ABTB3: variants seen among roughly 807,000 people sequenced by gnomAD.
ABTB3 encodes the protein ankyrin repeat- and BTB/POZ domain-containing protein 3.
chr12:107,616,400 T>C, the ABTB3 span, among the ~76,000 whole-genome samples: 1 of 152,182 alleles, frequency 6.6e-6, no homozygotes, highest in Non-Finnish European at 1.5e-5. Flanking sequence ...CCATCAGCAG[T>C]GCTGACAGCA....
At chr12:107,503,825 T>G in the ABTB3 span, among the ~76,000 whole-genome samples, 2 of 137,654 alleles carry the variant, frequency 1.5e-5, no homozygotes, top group South Asian at 2.3e-4. Flanking sequence ...TACAGTGGGG[T>G]GGCGGTGGAG....
chr12:107,375,048 C>T, the ABTB3 span, among the ~76,000 whole-genome samples: 1 of 152,084 alleles, frequency 6.6e-6, no homozygotes, highest in East Asian at 1.9e-4. Context: ...AAACATTTAG[C>T]AAGCAGATTC....
At chr12:107,509,906 G>A in the ABTB3 span, among the ~76,000 whole-genome samples, 3 of 152,164 alleles carry the variant, frequency 2.0e-5, no homozygotes, top group Non-Finnish European at 4.4e-5. Flanking sequence ...TAAATCTTTA[G>A]TTTCAGAGAC....
At chr12:107,507,065 T>C in the ABTB3 span, among the ~76,000 whole-genome samples, 1 of 152,080 alleles carries the variant, frequency 6.6e-6, no homozygotes, top group Non-Finnish European at 1.5e-5. Context: ...AAGATGGCAG[T>C]GAAGAGAGGG....
At chr12:107,630,872 A>G in the ABTB3 span, among the ~76,000 whole-genome samples, 1 of 152,252 alleles carries the variant, frequency 6.6e-6, no homozygotes, top group Non-Finnish European at 1.5e-5. Context: ...TACATTTGTT[A>G]TAATTAATGA....
At chr12:107,607,604 G>A in the ABTB3 span, among the ~76,000 whole-genome samples, 2 of 152,182 alleles carry the variant, frequency 1.3e-5, no homozygotes, top group Non-Finnish European at 2.9e-5. Context: ...TGACGTTTAG[G>A]TCCTGAGACA....
chr12:107,520,207 G>A, the ABTB3 span: 61 of 985,274 alleles, frequency 6.2e-5, no homozygotes, highest in East Asian at 1.1e-4. Context: ...TTCCAGGCCC[G>A]AGGAGAGGAT....
At chr12:107,433,641 G>A in the ABTB3 span, among the ~76,000 whole-genome samples, 6 of 152,284 alleles carry the variant, frequency 3.9e-5, no homozygotes, top group Admixed American at 3.3e-4. Flanking sequence ...GGTTGGTTTT[G>A]CCCCAGAAGC....
chr12:107,474,069 C>T, the ABTB3 span, among the ~76,000 whole-genome samples: 1 of 152,226 alleles, frequency 6.6e-6, no homozygotes, highest in African/African-American at 2.4e-5. Context: ...CAGGCGTGAG[C>T]CACTGCACCC....
At chr12:107,624,054 G>A in the ABTB3 span, among the ~76,000 whole-genome samples, 60 of 152,252 alleles carry the variant, frequency 3.9e-4, 1 homozygote, top group African/African-American at 1.2e-3. Context: ...GTAGGAACGT[G>A]CTTTGTGTGC....
the ABTB3 span, among the ~76,000 whole-genome samples, chr12:107,454,956 GC>G: frequency 6.6e-6 from 1 of 152,184 alleles, no homozygotes; most frequent in African/African-American, 2.4e-5. Flanking sequence ...TTGAAATTAA[GC>G]AGTATTCTCC....
the ABTB3 span, chr12:107,520,506 C>G: frequency 6.2e-7 from 1 of 1,614,154 alleles, no homozygotes. Context: ...GCCTACCAGA[C>G]AGCCTGAATC....
At chr12:107,615,319 T>C in the ABTB3 span, among the ~76,000 whole-genome samples, 1 of 152,368 alleles carries the variant, frequency 6.6e-6, no homozygotes, top group East Asian at 1.9e-4. Context: ...ACAAATATTA[T>C]ATGTAATGAT....
chr12:107,502,285 G>C, the ABTB3 span, among the ~76,000 whole-genome samples: 1 of 151,854 alleles, frequency 6.6e-6, no homozygotes, highest in South Asian at 2.1e-4. Flanking sequence ...GGCCAGGCTG[G>C]TCTCAAACTC....
At chr12:107,600,074 T>C in the ABTB3 span, among the ~76,000 whole-genome samples, 1 of 152,220 alleles carries the variant, frequency 6.6e-6, no homozygotes, top group Non-Finnish European at 1.5e-5. Context: ...GCTGAGTGAC[T>C]GTAGGGCCAG....
At chr12:107,483,738 G>A in the ABTB3 span, among the ~76,000 whole-genome samples, 1,029 of 152,242 alleles carry the variant, frequency 6.8e-3, 7 homozygotes, top group Non-Finnish European at 0.011. Flanking sequence ...CCAGGCTGGA[G>A]CCCAGTAGCA....
chr12:107,486,735 CAAAAAAAAAA>C, the ABTB3 span: 1 of 50,258 alleles, frequency 2.0e-5, no homozygotes, highest in African/African-American at 6.2e-5. Flanking sequence ...TCTTAATAGC[CAAAAAAAAAA>C]AAAAAAAAAA....
the ABTB3 span, among the ~76,000 whole-genome samples, chr12:107,589,698 TA>T: frequency 6.6e-6 from 1 of 152,194 alleles, no homozygotes; most frequent in African/African-American, 2.4e-5. Flanking sequence ...CATGGACTAT[TA>T]TAGAAGAAAG....
At chr12:107,598,906 C>T in the ABTB3 span, among the ~76,000 whole-genome samples, 3 of 152,222 alleles carry the variant, frequency 2.0e-5, no homozygotes, top group Admixed American at 2.0e-4. Flanking sequence ...TCCTGCATTA[C>T]CCATTGCTTT....
Sources: allele counts gnomAD v4.1 joint callset (sites outside exome capture counted in the v4.1 genomes callset), GRCh38; gene constraint gnomAD v4.1.1; transcripts MANE v1.5; gene names NCBI Gene and HGNC (gene_info 2026-07-23, HGNC 2026-07-21).